Variants in SCARF2 observed in about 807,000 individuals in gnomAD.
The protein encoded by SCARF2 is scavenger receptor expressed by endothelial cells 2 protein.
In SCARF2, 39 loss-of-function variants were observed where a neutral mutation model predicts 73.4. That is an observed-to-expected ratio of 0.53 (90% CI 0.41 to 0.69). The LOEUF (loss-of-function observed/expected upper bound fraction) is 0.69. Among genes scored for constraint, SCARF2 ranks in the 30% least tolerant of loss-of-function variants. The probability of loss-of-function intolerance (pLI) is 0.00; values close to 1 mark genes in which losing one functional copy is unlikely to be tolerated. For missense variants in SCARF2, 1,148 were observed against 1,303.5 expected, an observed-to-expected ratio of 0.88 and a Z score of 1.84; for synonymous variants, 605 against 590.0, an observed-to-expected ratio of 1.03 and a Z score of -0.37.
rs745354747 is a variant in SCARF2, at chr22:20,430,923, G to A, written c.855-15C>T. The stretch of plus-strand genomic sequence containing the variant: ...ACTGGCCACACCTGGGGGAGGGGTC[G>A]GAGGCTAGGGAAGGCTGGGACCCGC... On this transcript the variant is annotated splice_polypyrimidine_tract_variant and intron_variant, in intron 4 of 10. Coordinates refer to ENST00000622235, the MANE Select transcript of SCARF2 (RefSeq NM_182895.5). The A allele has an allele frequency of 3.2e-6, 5 of 1,575,996 alleles. No homozygotes were observed. The highest frequency in any genetic ancestry group is 3.4e-6 in the Non-Finnish European group (4 of 1,164,902).
At chr22:20,436,759 T>C (rs939927962) in intron 1 of SCARF2, among the ~76,000 whole-genome samples, 4 of 152,144 alleles carry the variant, frequency 2.6e-5, no homozygotes, top group African/African-American at 9.7e-5. Flanking sequence ...CTTGACCTTG[T>C]GGCCTTTGGC....
In SCARF2 at chr22:20,429,841, G is replaced by A; in HGVS notation, c.1203-8C>T. On this transcript the variant is annotated splice_polypyrimidine_tract_variant and splice_region_variant and intron_variant, in intron 6 of 10. Transcript: ENST00000622235. This position sits in a 1 kb window ranked among gnomAD's most constrained non-coding sequence, Gnocchi z 5.2. ...GGGCACGTCACGTTACAGCTGCCGG[G>A]ACATAGGGTCAAGGCATGCCACAGC... 6.2e-7 allele frequency: 1 copy of A among 1,612,080 alleles called. No homozygotes were observed. The highest frequency in any genetic ancestry group is 8.5e-7 in the Non-Finnish European group (1 of 1,179,554).
rs1454400872 is a variant in SCARF2 at position 20,425,112 on chromosome 22, G to C, written c.*263C>G. 2 of 385,540 alleles carry C rather than the reference G, an allele frequency of 5.2e-6. No individual in the cohort carries two copies. The highest frequency in any genetic ancestry group is 9.2e-6 in the Non-Finnish European group (2 of 217,984). 23.9% of individuals were successfully genotyped at this position (385,540 alleles called of 1,614,324 possible). A position where few individuals can be genotyped will look rare whatever the true frequency, so the allele number is the denominator to read the frequency against. On this transcript the variant is annotated 3_prime_UTR_variant, in exon 11 of 11. Transcript: ENST00000622235. This position sits in a 1 kb window ranked among gnomAD's most constrained non-coding sequence, Gnocchi z 4.6. ...GCCAATGAGACGCTGTCTGGTCGGA[G>C]CGCTCCATAACTCGGCCAATGGGGA...
In SCARF2 at chr22:20,430,788, C is replaced by T. The variant is rs565368947; in HGVS notation, c.975G>A (p.Glu325=). 1.9e-6 allele frequency: 3 copies of T among 1,605,910 alleles called. No individual in the cohort carries two copies. Among genetic ancestry groups the T allele is most frequent in the Non-Finnish European group, 2.5e-6 (3 of 1,177,260 alleles). The change falls in exon 5 of 11, where the codon GAG becomes GAA. Residue 325 remains glutamate (E), a synonymous_variant. Coordinates refer to ENST00000622235, the MANE Select transcript of SCARF2 (RefSeq NM_182895.5). ...DQPCATGFYG[E]GCSHRCPPCR... is the part of the protein sequence containing the mutation. ...ATGGCGGACAGCGGTGGCTGCAGCC[C>T]TCGCCATAGAAACCGGTGGCGCAAG...
chr22:20,431,695 T>C lies in SCARF2; in HGVS notation c.334+50A>G, dbSNP rs1263280063. 4.9e-6 allele frequency: 5 copies of C among 1,010,504 alleles called. No individual in the cohort carries two copies. The African/African-American group carries it at 5.5e-5, about 11-fold the overall frequency. The allele number at this position is 1,010,504 out of a possible 1,614,324, so 62.6% of individuals were successfully genotyped here. ...GCCCCACCTTGGACCCCGCCCCATCTCTCCAGGATTCCGCCCCACCGACCA... is the reference window on the plus strand; with the variant it reads ...GCCCCACCTTGGACCCCGCCCCATCCCTCCAGGATTCCGCCCCACCGACCA... On this transcript the variant is annotated intron_variant, in intron 3 of 10. Transcript: ENST00000622235.
intron 9 of SCARF2, among the ~76,000 whole-genome samples, chr22:20,428,490 G>T (rs2052605599): frequency 1.3e-5 from 2 of 152,134 alleles, no homozygotes; most frequent in African/African-American, 2.4e-5. Flanking sequence ...TTTTAGTAGA[G>T]ACCGGGTTTC....
At chr22:20,434,305 T>G (rs1244774227) in intron 1 of SCARF2, among the ~76,000 whole-genome samples, 4 of 151,540 alleles carry the variant, frequency 2.6e-5, no homozygotes, top group East Asian at 3.9e-4. Context: ...AAAAGAGAGA[T>G]AGAGATAGGA....
chr22:20,436,793 C>T (rs2052705065), intron 1 of SCARF2, among the ~76,000 whole-genome samples: 1 of 152,210 alleles, frequency 6.6e-6, no homozygotes, highest in South Asian at 2.1e-4. Context: ...CCCCCGACCC[C>T]AGCTCCTAAC....
chr22:20,430,779 G>T lies in SCARF2; in HGVS notation c.984C>A (p.Ser328Arg). The change falls in exon 5 of 11, where the codon AGC (serine) becomes AGA (arginine). Residue 328 changes from serine to arginine, a missense_variant. This residue lies in a region of SCARF2 where 372 missense variants were observed against 532.0 expected (regional missense o/e 0.70). Coordinates refer to ENST00000622235, the MANE Select transcript of SCARF2 (RefSeq NM_182895.5). ...CATGFYGEGC[S>R]HRCPPCRDGH... ...CGTCGCGGCATGGCGGACAGCGGTG[G>T]CTGCAGCCCTCGCCATAGAAACCGG... 1.2e-6 allele frequency: 2 copies of T among 1,606,032 alleles called. No individual in the cohort carries two copies. The highest frequency in any genetic ancestry group is 2.2e-5 in the South Asian group (2 of 90,212).
intron 1 of SCARF2, among the ~76,000 whole-genome samples, chr22:20,436,260 A>C (rs1475743231): frequency 6.6e-6 from 1 of 152,192 alleles, no homozygotes; most frequent in Non-Finnish European, 1.5e-5. Flanking sequence ...AAGGGCTCTC[A>C]GGCTCCGGAC....
At position 20,429,639 on chromosome 22, in the gene SCARF2, T is replaced by G. The variant is rs1569108103; in HGVS notation, c.1321A>C (p.Lys441Gln). The change falls in exon 8 of 11, where the codon AAG becomes CAG. Residue 441 changes from lysine to glutamine, a missense_variant. Physicochemically the swap from Lys to Gln is moderately conservative, Grantham distance 53. Transcript: ENST00000622235. This position sits in a 1 kb window ranked among gnomAD's most constrained non-coding sequence, Gnocchi z 5.2. ...GACHLETNQR[K>Q]GVMGAGALLV... ...AGCGCGCCCGCGCCCATCACGCCCT[T>G]GCGCTGGTTGGTTTCTGTAGGGGGT... 7.4e-6 allele frequency: 12 copies of G among 1,613,888 alleles called. No homozygotes were observed. Among genetic ancestry groups the G allele is most frequent in the Non-Finnish European group, 1.0e-5 (12 of 1,179,924 alleles).
In SCARF2 at chr22:20,429,482, ACCCAG is replaced by A; in HGVS notation, c.1424+49_1424+53del. 3.7e-6 allele frequency: 6 copies of A among 1,602,254 alleles called. No individual in the cohort carries two copies. Among genetic ancestry groups the A allele is most frequent in the Non-Finnish European group, 5.1e-6 (6 of 1,176,082 alleles). On this transcript the variant is annotated intron_variant, in intron 8 of 10. Transcript: ENST00000622235. The surrounding 1 kb of genome is among the most constrained non-coding windows in gnomAD (Gnocchi z 5.2). ...AAGGGTTGGATCTGGGTCCGGTGGC[ACCCAG>A]AGGGTGCGGCCTGAACCCAGGCGAA...
intron 6 of SCARF2, chr22:20,430,069 GT>G (rs2052625435): frequency 1.6e-6 from 1 of 616,722 alleles, no homozygotes; most frequent in East Asian, 2.8e-5. Flanking sequence ...GATAGGACCC[GT>G]GGTGGCCGCG....
chr22:20,430,363 G>T (rs543283822), intron 6 of SCARF2, 66 bp downstream of exon 6: 15 of 1,530,758 alleles, frequency 9.8e-6, no homozygotes, highest in Non-Finnish European at 1.2e-5. Context: ...AGGCCACCTC[G>T]TCGGCTGGAC....
Position 20,425,735 on chromosome 22 carries a change from G to T in SCARF2, c.2241C>A (p.Gly747=). 1 of 1,231,484 alleles carries T rather than the reference G, an allele frequency of 8.1e-7. No homozygotes were observed. Among genetic ancestry groups the T allele is most frequent in the East Asian group, 3.3e-5 (1 of 30,082 alleles). The allele number at this position is 1,231,484 out of a possible 1,614,324, so 76.3% of individuals were successfully genotyped here. ...CGTCCGTGGGCTCCAAGAGGCCGGG[G>T]CCGCGGCCCCGCGCTCGGGCCCTGG... ...SPPRARARGR[G]PGLLEPTDAG... The change falls in exon 11 of 11, where the codon GGC becomes GGA. Residue 747 remains glycine, a synonymous_variant. Transcript: ENST00000622235. This position sits in a 1 kb window ranked among gnomAD's most constrained non-coding sequence, Gnocchi z 4.6.
intron 3 of SCARF2, 83 bp from the exon 4 acceptor site, chr22:20,431,620 C>T (rs1320794716): frequency 1.4e-5 from 22 of 1,542,636 alleles, no homozygotes; most frequent in Non-Finnish European, 1.9e-5. Flanking sequence ...CCGCGTCCCG[C>T]ACTCCAGCCG....
In SCARF2 at chr22:20,427,286, A is replaced by G. The variant is rs2052589277; in HGVS notation, c.1693+112T>C. The G allele has an allele frequency of 8.2e-6, 11 of 1,338,626 alleles. No individual in the cohort carries two copies. The Admixed American group carries it at 2.1e-4, about 26-fold the overall frequency. The allele number at this position is 1,338,626 out of a possible 1,614,324, so 82.9% of individuals were successfully genotyped here. ...CAACCCTCAGGTACCAGCATGGCCA[A>G]GGCCTTCCTCTCCATGCTGCCTGCC... is the stretch of plus-strand genomic sequence containing the variant. On this transcript the variant is annotated intron_variant, in intron 10 of 10. Transcript: ENST00000622235.
chr22:20,431,927 C>T lies in SCARF2; in HGVS notation c.232+3G>A, dbSNP rs1351670686. 3.1e-6 allele frequency: 5 copies of T among 1,609,698 alleles called. No homozygotes were observed. Among genetic ancestry groups the T allele is most frequent in the Admixed American group, 1.7e-5 (1 of 59,600 alleles). ...CCCCAGGTCCCCGGGATGACCCACT[C>T]ACCAATCCCACACTCGTCCCCTTGC... On this transcript the variant is annotated splice_donor_region_variant and intron_variant, in intron 2 of 10. Coordinates refer to ENST00000622235, the MANE Select transcript of SCARF2 (RefSeq NM_182895.5).
At chr22:20,427,603 CCCT>C in intron 9 of SCARF2, 53 bp from the exon 10 acceptor site, 1 of 1,598,282 alleles carries the variant, frequency 6.3e-7, no homozygotes, top group Non-Finnish European at 8.5e-7. Flanking sequence ...CCAGCCGGTG[CCCT>C]CATTAGCCCC....
Sources: gnomAD v4.1 joint callset for allele counts (sites outside exome capture counted in the v4.1 genomes callset) on GRCh38, gnomAD v4.1.1 for gene constraint, gnomAD v4.1.1 regional missense constraint, Gnocchi (gnomAD v3.1) non-coding constraint, MANE v1.5 for transcripts, NCBI Gene and HGNC (gene_info 2026-07-23, HGNC 2026-07-21) for gene names.